Variants in CALCRL observed in about 807,000 individuals in gnomAD.
The protein encoded by CALCRL is calcitonin gene-related peptide type 1 receptor.
A neutral mutation model predicts 60.4 loss-of-function variants in CALCRL; 27 were observed. That is an observed-to-expected ratio of 0.45 (90% CI 0.33 to 0.62). The LOEUF (loss-of-function observed/expected upper bound fraction) is 0.62. Ranked by LOEUF, CALCRL falls within the 20% of genes least tolerant of loss-of-function variation. The pLI, the probability that CALCRL is intolerant of heterozygous loss-of-function variation, is 0.03. For synonymous variants in CALCRL, 190 were observed against 182.6 expected (o/e 1.04, Z -0.33); for missense variants, 424 against 540.7 (o/e 0.78, Z 2.14).
chr2:187,370,856 G>T, intron 8 of CALCRL, among the ~76,000 whole-genome samples: 1 of 152,178 alleles, frequency 6.6e-6, no homozygotes, highest in East Asian at 1.9e-4. Flanking sequence ...TATGGCATAA[G>T]AATGTTTTCA....
chr2:187,398,519 TC>T (rs1217221224), intron 1 of CALCRL, among the ~76,000 whole-genome samples: 2 of 151,566 alleles, frequency 1.3e-5, no homozygotes, highest in African/African-American at 4.8e-5. Flanking sequence ...TAGCACATCT[TC>T]TTTATTGCCC....
At chr2:187,347,269 C>T (rs570899637) in intron 14 of CALCRL, among the ~76,000 whole-genome samples, 1 of 151,872 alleles carries the variant, frequency 6.6e-6, no homozygotes, top group East Asian at 1.9e-4. Context: ...AGGACTTTTC[C>T]ATGTCTGATG....
At chr2:187,362,936 G>A (rs1005010819) in intron 9 of CALCRL, among the ~76,000 whole-genome samples, 8 of 151,966 alleles carry the variant, frequency 5.3e-5, no homozygotes, top group Admixed American at 1.3e-4. Flanking sequence ...TTCCATGTGC[G>A]TGTACTATTT....
At chr2:187,368,066 G>A (rs1357176184) in intron 8 of CALCRL, among the ~76,000 whole-genome samples, 1 of 151,964 alleles carries the variant, frequency 6.6e-6, no homozygotes, top group Non-Finnish European at 1.5e-5. Flanking sequence ...TCTATTGATG[G>A]TATAACTTTG....
chr2:187,369,548 A>G (rs559909903), intron 8 of CALCRL, among the ~76,000 whole-genome samples: 35 of 152,330 alleles, frequency 2.3e-4, no homozygotes, highest in African/African-American at 7.7e-4. Context: ...TGAAGTTCTC[A>G]AGGAAGCAAT....
intron 1 of CALCRL, among the ~76,000 whole-genome samples, chr2:187,417,129 C>A (rs1254199177): frequency 6.6e-6 from 1 of 151,960 alleles, no homozygotes; most frequent in Non-Finnish European, 1.5e-5. Context: ...CATTTACTTT[C>A]TATACTCAAG....
intron 1 of CALCRL, among the ~76,000 whole-genome samples, chr2:187,445,242 C>T (rs753813126): frequency 1.8e-4 from 27 of 151,476 alleles, no homozygotes; most frequent in Non-Finnish European, 2.8e-4. Context: ...GCAATGATAG[C>T]GCTTGTGTTT....
At chr2:187,443,384 G>A (rs565029198) in intron 1 of CALCRL, among the ~76,000 whole-genome samples, 15 of 151,778 alleles carry the variant, frequency 9.9e-5, no homozygotes, top group Non-Finnish European at 1.8e-4. Flanking sequence ...GTTAATTCAT[G>A]GATTACTTAC....
At chr2:187,435,312 C>A (rs1690585062) in intron 1 of CALCRL, among the ~76,000 whole-genome samples, 1 of 152,012 alleles carries the variant, frequency 6.6e-6, no homozygotes, top group African/African-American at 2.4e-5. Context: ...AGAGAGGGAG[C>A]AGAAAGGTCC....
rs1553507175 is a variant in CALCRL, at chr2:187,372,318, A to AAT, written c.500+6621_500+6622insAT. Among the ~76,000 whole-genome samples, 43 of 147,882 alleles carry AAT rather than the reference A, an allele frequency of 2.9e-4. No individual in the cohort carries two copies. The South Asian group carries it at 8.3e-3, about 29-fold the overall frequency. On this transcript the variant is annotated intron_variant, in intron 8 of 14. Coordinates refer to ENST00000392370, the MANE Select transcript of CALCRL (RefSeq NM_005795.6). ...TTTGTAACTAATTCCAGTAGAGTTT[A>AAT]TTTTTTTTTTTTATCTAAAGGGTTC...
At chr2:187,444,714 TAAG>T (rs998925789) in intron 1 of CALCRL, among the ~76,000 whole-genome samples, 6 of 151,538 alleles carry the variant, frequency 4.0e-5, no homozygotes, top group African/African-American at 7.2e-5. Context: ...TATATTTTTG[TAAG>T]AAGAAGTAAG....
At chr2:187,432,066 T>C (rs1438374424) in intron 1 of CALCRL, among the ~76,000 whole-genome samples, 3 of 152,062 alleles carry the variant, frequency 2.0e-5, no homozygotes, top group Non-Finnish European at 2.9e-5. Context: ...AATATGGTCA[T>C]AGTGGAGTGA....
At chr2:187,411,584 A>T (rs897963427) in intron 1 of CALCRL, among the ~76,000 whole-genome samples, 13 of 152,202 alleles carry the variant, frequency 8.5e-5, no homozygotes, top group Non-Finnish European at 1.5e-4. Context: ...ACCTAGATAA[A>T]TGCTAAGATG....
intron 12 of CALCRL, among the ~76,000 whole-genome samples, chr2:187,355,174 G>A (rs1352081211): frequency 6.6e-6 from 1 of 151,986 alleles, no homozygotes; most frequent in Non-Finnish European, 1.5e-5. Flanking sequence ...CATCATTACA[G>A]ATGAGAAAAC....
chr2:187,358,575 G>C (rs971223792), intron 12 of CALCRL, among the ~76,000 whole-genome samples: 161 of 150,230 alleles, frequency 1.1e-3, no homozygotes, highest in African/African-American at 3.8e-3. Flanking sequence ...GGAGGATGAT[G>C]TCTGTGAACA....
At chr2:187,407,296 T>C (rs544103522) in intron 1 of CALCRL, among the ~76,000 whole-genome samples, 1 of 152,124 alleles carries the variant, frequency 6.6e-6, no homozygotes, top group Non-Finnish European at 1.5e-5. Flanking sequence ...CATTGTTTTA[T>C]ACTTTACGAA....
intron 14 of CALCRL, among the ~76,000 whole-genome samples, chr2:187,348,189 A>G (rs1016874370): frequency 6.6e-6 from 1 of 151,738 alleles, no homozygotes; most frequent in Non-Finnish European, 1.5e-5. Flanking sequence ...TAACATCTGC[A>G]TATGTAACAA....
chr2:187,387,074 G>A (rs948486409), intron 3 of CALCRL, among the ~76,000 whole-genome samples: 2 of 152,090 alleles, frequency 1.3e-5, no homozygotes, highest in African/African-American at 2.4e-5. Context: ...CACTGAACAC[G>A]CAAACAATAT....
chr2:187,391,681 ATTTTC>A (rs1688453213), intron 1 of CALCRL, among the ~76,000 whole-genome samples: 1 of 152,070 alleles, frequency 6.6e-6, no homozygotes, highest in African/African-American at 2.4e-5. Context: ...AAATGAGATA[ATTTTC>A]TTTACTATGC....
Sources: allele counts gnomAD v4.1 joint callset (sites outside exome capture counted in the v4.1 genomes callset), GRCh38; gene constraint gnomAD v4.1.1; transcripts MANE v1.5; gene names NCBI Gene and HGNC (gene_info 2026-07-23, HGNC 2026-07-21).